The following DPP10 variants were observed in gnomAD, a reference collection of about 807,000 sequenced individuals.
The protein encoded by DPP10 is inactive dipeptidyl peptidase 10.
Under a neutral mutation model 120.9 loss-of-function variants are expected in DPP10, and 33 were observed. The observed-to-expected ratio is 0.27, with a 90% CI of 0.21 to 0.37. The LOEUF (loss-of-function observed/expected upper bound fraction) is 0.37. Ranked by LOEUF, DPP10 falls within the 10% of genes least tolerant of loss-of-function variation. The pLI, the probability that DPP10 is intolerant of heterozygous loss-of-function variation, is 1.00. For missense variants in DPP10, 816 were observed against 942.8 expected (o/e 0.87, Z 1.76); for synonymous variants, 337 against 326.1 (o/e 1.03, Z -0.36).
intron 3 of DPP10, among the ~76,000 whole-genome samples, chr2:115,416,351 T>C (rs925909785): frequency 2.0e-5 from 3 of 152,308 alleles, no homozygotes; most frequent in Admixed American, 1.3e-4. Context: ...TCCTATATTT[T>C]GATCAGTTGC....
intron 3 of DPP10, among the ~76,000 whole-genome samples, chr2:115,348,846 TC>T (rs1228797891): frequency 1.3e-5 from 2 of 152,126 alleles, no homozygotes; most frequent in African/African-American, 4.8e-5. Context: ...GTGATATTGG[TC>T]CACTTACCAT....
At chr2:114,510,757 T>C (rs1323535639) in intron 1 of DPP10, among the ~76,000 whole-genome samples, 3 of 151,242 alleles carry the variant, frequency 2.0e-5, no homozygotes, top group East Asian at 3.8e-4. Flanking sequence ...CATTGGTTTT[T>C]CAACTGTTTG....
At chr2:114,458,115 T>C (rs1231243309) in intron 1 of DPP10, among the ~76,000 whole-genome samples, 1 of 150,786 alleles carries the variant, frequency 6.6e-6, no homozygotes, top group Non-Finnish European at 1.5e-5. Flanking sequence ...TCCTGGTCTC[T>C]TTCCAGAACA....
intron 1 of DPP10, among the ~76,000 whole-genome samples, chr2:114,517,476 C>T (rs140563220): frequency 0.032 from 4,732 of 150,072 alleles, 223 homozygotes; most frequent in African/African-American, 0.1. Context: ...GCTGAGATCA[C>T]GCCACTGCAC....
At chr2:114,876,417 T>C (rs1402116419) in intron 1 of DPP10, among the ~76,000 whole-genome samples, 3 of 152,032 alleles carry the variant, frequency 2.0e-5, no homozygotes, top group East Asian at 1.9e-4. Flanking sequence ...GGAGGCAGAG[T>C]AGCAAATTGG....
At chr2:114,646,391 A>C (rs1696138837) in intron 1 of DPP10, among the ~76,000 whole-genome samples, 1 of 152,050 alleles carries the variant, frequency 6.6e-6, no homozygotes, top group African/African-American at 2.4e-5. Flanking sequence ...AATGGTGGGA[A>C]TATATAAACG....
At chr2:115,416,544 T>G (rs545152989) in intron 3 of DPP10, among the ~76,000 whole-genome samples, 1 of 152,210 alleles carries the variant, frequency 6.6e-6, no homozygotes, top group African/African-American at 2.4e-5. Context: ...TTCTGTAGGA[T>G]TTATCTGTCT....
intron 5 of DPP10, among the ~76,000 whole-genome samples, chr2:115,636,709 G>A (rs1575406972): frequency 1.3e-5 from 2 of 151,998 alleles, no homozygotes; most frequent in African/African-American, 4.8e-5. Flanking sequence ...GATCTTTATT[G>A]TACTGTTCTT....
In DPP10 at chr2:115,178,014, C is replaced by T. The variant is rs932555102; in HGVS notation, c.61-131225C>T. On this transcript the variant is annotated intron_variant, in intron 1 of 25. Coordinates refer to ENST00000410059, the MANE Select transcript of DPP10 (RefSeq NM_020868.6). ...TCCTGACCTCGTGATCCACCTGCCT[C>T]GGCCTCCCAAAGTGACATTGCTTTT... Among the ~76,000 whole-genome samples, 7 of 152,136 alleles carry T rather than the reference C, an allele frequency of 4.6e-5. No homozygotes were observed. In the East Asian group the frequency reaches 7.7e-4, roughly 17 times the overall value.
chr2:115,074,547 C>T (rs1707632838), intron 1 of DPP10, among the ~76,000 whole-genome samples: 1 of 152,182 alleles, frequency 6.6e-6, no homozygotes, highest in South Asian at 2.1e-4. Context: ...AGTTTCCTGA[C>T]TCTATAGAAT....
intron 1 of DPP10, among the ~76,000 whole-genome samples, chr2:115,115,069 G>A (rs746608547): frequency 1.8e-4 from 27 of 152,010 alleles, no homozygotes; most frequent in Admixed American, 3.3e-4. Context: ...GCTTGTCTAT[G>A]TGTATGACCG....
At chr2:115,500,261 T>C (rs2076615349) in intron 4 of DPP10, among the ~76,000 whole-genome samples, 1 of 151,922 alleles carries the variant, frequency 6.6e-6, no homozygotes, top group East Asian at 1.9e-4. Context: ...ATGTTGAAAA[T>C]CTAGCTACCC....
intron 5 of DPP10, among the ~76,000 whole-genome samples, chr2:115,654,257 C>T (rs2088079551): frequency 6.6e-6 from 1 of 151,712 alleles, no homozygotes; most frequent in African/African-American, 2.4e-5. Flanking sequence ...CGAGTGAAGG[C>T]AACATACTCA....
At chr2:115,275,214 T>C (rs1574258785) in intron 1 of DPP10, among the ~76,000 whole-genome samples, 3 of 152,228 alleles carry the variant, frequency 2.0e-5, no homozygotes, top group South Asian at 2.1e-4. Context: ...AATTGCTTTG[T>C]GCCTTTGAGA....
intron 1 of DPP10, among the ~76,000 whole-genome samples, chr2:114,508,924 G>C (rs1446246938): frequency 1.3e-5 from 2 of 152,006 alleles, no homozygotes; most frequent in Non-Finnish European, 2.9e-5. Context: ...TTAAACTAGA[G>C]GTAAGATAGA....
intron 3 of DPP10, among the ~76,000 whole-genome samples, chr2:115,406,995 G>A (rs2068558460): frequency 6.6e-6 from 1 of 152,148 alleles, no homozygotes; most frequent in Non-Finnish European, 1.5e-5. Context: ...GAAGAGTGAC[G>A]GGGAGTGGAA....
At chr2:115,416,503 T>C (rs2069445289) in intron 3 of DPP10, among the ~76,000 whole-genome samples, 1 of 152,266 alleles carries the variant, frequency 6.6e-6, no homozygotes, top group African/African-American at 2.4e-5. Context: ...GAAAAATTAT[T>C]AGTCCATTCT....
intron 5 of DPP10, among the ~76,000 whole-genome samples, chr2:115,685,612 A>C (rs2090946780): frequency 6.6e-6 from 1 of 152,058 alleles, no homozygotes; most frequent in South Asian, 2.1e-4. Flanking sequence ...AACTGACAAC[A>C]TATAAAAGTA....
chr2:115,445,082 C>G (rs1442460550), intron 3 of DPP10, among the ~76,000 whole-genome samples: 1 of 152,110 alleles, frequency 6.6e-6, no homozygotes, highest in Non-Finnish European at 1.5e-5. Flanking sequence ...TTACCCTGCT[C>G]TCTCTCTCTT....
Sources: allele counts gnomAD v4.1 joint callset (sites outside exome capture counted in the v4.1 genomes callset), GRCh38; gene constraint gnomAD v4.1.1; transcripts MANE v1.5; gene names NCBI Gene and HGNC (gene_info 2026-07-23, HGNC 2026-07-21).